The following PTPRT variants were observed in gnomAD, a reference collection of about 807,000 sequenced individuals.
PTPRT encodes the protein receptor-type tyrosine-protein phosphatase T.
A neutral mutation model predicts 176.8 loss-of-function variants in PTPRT; 56 were observed. The ratio of observed to expected loss-of-function variants is 0.32; its 90% CI spans 0.26 to 0.40. The LOEUF is 0.40. PTPRT is among the 10% of genes least tolerant of loss of function. The pLI is 1.00. For synonymous variants in PTPRT, 783 were observed against 739.0 expected (o/e 1.06, Z -0.96); for missense variants, 1,540 against 1,908.2 (o/e 0.81, Z 3.60).
intron 1 of PTPRT, among the ~76,000 whole-genome samples, chr20:42,905,286 C>T (rs931213824): frequency 6.6e-6 from 1 of 152,320 alleles, no homozygotes; most frequent in South Asian, 2.1e-4. Context: ...CAAAAGAAGA[C>T]ATCTATGCAG....
chr20:42,162,507 C>G (rs1391897842), intron 16 of PTPRT, among the ~76,000 whole-genome samples: 1 of 152,218 alleles, frequency 6.6e-6, no homozygotes, highest in East Asian at 1.9e-4. Flanking sequence ...GCCAGGCATA[C>G]ATTCTTGATC....
chr20:42,234,472 A>T (rs562000563), intron 15 of PTPRT, among the ~76,000 whole-genome samples: 19 of 152,310 alleles, frequency 1.2e-4, no homozygotes, highest in African/African-American at 4.6e-4. Context: ...GTCTTTGCAG[A>T]TGCAGTTTCC....
intron 1 of PTPRT, among the ~76,000 whole-genome samples, chr20:42,999,528 C>T (rs947995116): frequency 6.6e-6 from 1 of 151,616 alleles, no homozygotes; most frequent in Non-Finnish European, 1.5e-5. Context: ...GGCCAAGGCA[C>T]GTGGGCCACT....
At chr20:42,214,488 C>T (rs1372182401) in intron 15 of PTPRT, among the ~76,000 whole-genome samples, 1 of 152,194 alleles carries the variant, frequency 6.6e-6, no homozygotes, top group Non-Finnish European at 1.5e-5. Context: ...CCCAGCATGG[C>T]AAAGTTACAG....
chr20:42,696,740 C>G (rs1210272599), intron 6 of PTPRT, among the ~76,000 whole-genome samples: 2 of 152,082 alleles, frequency 1.3e-5, no homozygotes, highest in Admixed American at 6.5e-5. Context: ...CAGGTGTGAG[C>G]CACCCCGCCC....
intron 2 of PTPRT, among the ~76,000 whole-genome samples, chr20:42,877,456 G>T (rs772187408): frequency 1.3e-5 from 2 of 152,088 alleles, no homozygotes; most frequent in Non-Finnish European, 2.9e-5. Flanking sequence ...CAAGAAACAG[G>T]GTTGGAGACT....
At chr20:42,921,753 A>G (rs1300423482) in intron 1 of PTPRT, among the ~76,000 whole-genome samples, 5 of 152,166 alleles carry the variant, frequency 3.3e-5, no homozygotes, top group South Asian at 2.1e-4. Context: ...ACTCACTCCA[A>G]TCAGGGTCTT....
chr20:42,481,024 A>G (rs2071375117), intron 7 of PTPRT, among the ~76,000 whole-genome samples: 1 of 146,488 alleles, frequency 6.8e-6, no homozygotes, highest in Admixed American at 6.7e-5. Context: ...GAAGTAGGTG[A>G]GCTTTTTTTT....
chr20:42,295,080 A>C (rs1316866659), intron 12 of PTPRT, among the ~76,000 whole-genome samples: 4 of 152,180 alleles, frequency 2.6e-5, no homozygotes, highest in Admixed American at 2.6e-4. Flanking sequence ...CCCAAGAAAA[A>C]TTATTGGAAG....
chr20:43,126,141 C>T (rs2013429782), intron 1 of PTPRT, among the ~76,000 whole-genome samples: 1 of 152,056 alleles, frequency 6.6e-6, no homozygotes, highest in South Asian at 2.1e-4. Context: ...CACCTGAAGT[C>T]AGGAGTTTAA....
At chr20:43,098,553 T>TC (rs1222257951) in intron 1 of PTPRT, among the ~76,000 whole-genome samples, 3 of 151,768 alleles carry the variant, frequency 2.0e-5, no homozygotes, top group Non-Finnish European at 2.9e-5. Context: ...TTTTCTTTTT[T>TC]TTTTTTTTGT....
At chr20:43,079,317 G>C (rs1312558496) in intron 1 of PTPRT, among the ~76,000 whole-genome samples, 1 of 151,416 alleles carries the variant, frequency 6.6e-6, no homozygotes, top group African/African-American at 2.4e-5. Flanking sequence ...CTACACCCAC[G>C]TTGCAGGCTG....
At chr20:42,991,285 T>A (rs970962525) in intron 1 of PTPRT, among the ~76,000 whole-genome samples, 2 of 152,044 alleles carry the variant, frequency 1.3e-5, no homozygotes, top group African/African-American at 2.4e-5. Context: ...TCTGAAAAGT[T>A]TTTCTGCAAG....
chr20:43,113,056 G>T lies in PTPRT; in HGVS notation c.88+76590C>A, dbSNP rs185865353. ...GGGGTTTTGCATGTAACTCATTCAT[G>T]ATATAAACGTATCTCCTGGGGTTTT... On this transcript the variant is annotated intron_variant, in intron 1 of 30. Transcript: ENST00000373187. Among the ~76,000 whole-genome samples the T allele has an allele frequency of 2.4e-3, 362 of 151,336 alleles. 2 individuals carry two copies. Among genetic ancestry groups the T allele is most frequent in the African/African-American group, 7.9e-3 (323 of 41,050 alleles).
At chr20:42,723,923 A>G (rs1360850689) in intron 6 of PTPRT, among the ~76,000 whole-genome samples, 1 of 152,156 alleles carries the variant, frequency 6.6e-6, no homozygotes, top group Non-Finnish European at 1.5e-5. Flanking sequence ...GATCCAGAAG[A>G]CTGGGACTCA....
chr20:42,819,855 A>C lies in PTPRT; in HGVS notation c.215-28389T>G, dbSNP rs537880563. 2.0e-5 allele frequency among the ~76,000 whole-genome samples: 3 copies of C among 152,370 alleles called. No individual in the cohort carries two copies. The South Asian group carries it at 6.2e-4, about 32-fold the overall frequency. ...TACATAATGGTAAAGGGAACAATTC[A>C]ACAAGAAGAGCTAACTATTCTAAAT... On this transcript the variant is annotated intron_variant, in intron 2 of 30. Transcript: ENST00000373187.
intron 8 of PTPRT, among the ~76,000 whole-genome samples, chr20:42,459,232 AC>A (rs1470536699): frequency 6.6e-6 from 1 of 152,190 alleles, no homozygotes; most frequent in Non-Finnish European, 1.5e-5. Flanking sequence ...GAGAATGATA[AC>A]TGAATTTGCA....
At chr20:42,362,381 T>G (rs1310885632) in intron 9 of PTPRT, among the ~76,000 whole-genome samples, 1 of 151,914 alleles carries the variant, frequency 6.6e-6, no homozygotes, top group African/African-American at 2.4e-5. Flanking sequence ...ATGCATAATC[T>G]CGATCTAATC....
chr20:42,869,504 T>C (rs2078808145), intron 2 of PTPRT, among the ~76,000 whole-genome samples: 1 of 152,226 alleles, frequency 6.6e-6, no homozygotes. Flanking sequence ...ACCTATTACC[T>C]TTTCTTCTTC....
Sources: gnomAD v4.1 joint callset for allele counts (sites outside exome capture counted in the v4.1 genomes callset) on GRCh38, gnomAD v4.1.1 for gene constraint, MANE v1.5 for transcripts, NCBI Gene and HGNC (gene_info 2026-07-23, HGNC 2026-07-21) for gene names.